The following HYDIN variants were observed in gnomAD, a reference collection of about 807,000 sequenced individuals.
The protein encoded by HYDIN is HYDIN axonemal central pair apparatus protein.
Under a neutral mutation model 403.9 loss-of-function variants are expected in HYDIN, and 132 were observed. That is an observed-to-expected ratio of 0.33 (90% CI 0.28 to 0.38). The LOEUF is 0.38. Among genes scored for constraint, HYDIN ranks in the 10% least tolerant of loss-of-function variants. The probability of loss-of-function intolerance (pLI) is 1.00; values close to 1 mark genes in which losing one functional copy is unlikely to be tolerated. For synonymous variants in HYDIN, 1,202 were observed against 1,891.7 expected, an observed-to-expected ratio of 0.64 and a Z score of 9.46; for missense variants, 2,827 against 5,009.5, an observed-to-expected ratio of 0.56 and a Z score of 13.15.
intron 28 of HYDIN, among the ~76,000 whole-genome samples, chr16:70,981,901 G>A (rs2079056119): frequency 6.6e-6 from 1 of 151,998 alleles, no homozygotes; most frequent in Non-Finnish European, 1.5e-5. Context: ...GGCTGAGGTG[G>A]GTGGATCACG....
chr16:70,942,033 T>C (rs2077693961), intron 42 of HYDIN, among the ~76,000 whole-genome samples: 1 of 107,728 alleles, frequency 9.3e-6, no homozygotes, highest in African/African-American at 3.0e-5. Flanking sequence ...TTTTTTTTTT[T>C]TGAGACAGAG....
At chr16:71,183,910 T>C (rs1431448514) in intron 3 of HYDIN, among the ~76,000 whole-genome samples, 1 of 152,138 alleles carries the variant, frequency 6.6e-6, no homozygotes, top group Non-Finnish European at 1.5e-5. Context: ...ACACTAGTAG[T>C]ACACATGAAA....
chr16:70,819,538 AACG>A (rs1330695824), intron 83 of HYDIN, among the ~76,000 whole-genome samples: 6 of 144,578 alleles, frequency 4.2e-5, no homozygotes, highest in Admixed American at 1.4e-4. Flanking sequence ...TCACACTTGT[AACG>A]ACACTATACT....
intron 1 of HYDIN, among the ~76,000 whole-genome samples, chr16:71,196,091 A>G (rs2087686740): frequency 6.6e-6 from 1 of 152,246 alleles, no homozygotes; most frequent in African/African-American, 2.4e-5. Flanking sequence ...AAGAATCTAC[A>G]AGTATTATAG....
intron 21 of HYDIN, among the ~76,000 whole-genome samples, chr16:71,024,936 T>C (rs1318565840): frequency 6.6e-6 from 1 of 152,224 alleles, no homozygotes; most frequent in Non-Finnish European, 1.5e-5. Context: ...CTGCATACGG[T>C]TGTTGTGAGG....
At chr16:71,217,891 T>C (rs954652785) in intron 1 of HYDIN, among the ~76,000 whole-genome samples, 1 of 152,098 alleles carries the variant, frequency 6.6e-6, no homozygotes, top group Non-Finnish European at 1.5e-5. Context: ...AAGCCACATA[T>C]TAACTGGTGA....
chr16:71,170,540 C>A (rs2086421575), intron 5 of HYDIN, among the ~76,000 whole-genome samples: 1 of 152,196 alleles, frequency 6.6e-6, no homozygotes, highest in South Asian at 2.1e-4. Context: ...ATGCAATCAG[C>A]AAACCTTGTC....
chr16:71,039,842 C>A (rs1026450045), intron 18 of HYDIN, among the ~76,000 whole-genome samples: 1 of 152,216 alleles, frequency 6.6e-6, no homozygotes, highest in Non-Finnish European at 1.5e-5. Context: ...AGTGCAGATA[C>A]AAAAGGCTGT....
chr16:70,842,996 C>A (rs2037933438), intron 75 of HYDIN, among the ~76,000 whole-genome samples: 1 of 151,606 alleles, frequency 6.6e-6, no homozygotes, highest in South Asian at 2.1e-4. Context: ...GAGTTGATAA[C>A]AACTTAATTT....
chr16:70,897,893 T>A (rs1437783331), intron 53 of HYDIN, among the ~76,000 whole-genome samples: 1 of 151,674 alleles, frequency 6.6e-6, no homozygotes, highest in African/African-American at 2.4e-5. Context: ...ATGTGGCCGG[T>A]TGCAGTGGCT....
intron 43 of HYDIN, among the ~76,000 whole-genome samples, chr16:70,940,687 G>A (rs1484171137): frequency 6.6e-6 from 1 of 152,202 alleles, no homozygotes; most frequent in Non-Finnish European, 1.5e-5. Context: ...AGGGATGCCT[G>A]GTCACTGCTC....
At chr16:70,895,894 A>G (rs183935511) in intron 54 of HYDIN, 87 bp downstream of exon 54, 1 of 1,468,308 alleles carries the variant, frequency 6.8e-7, no homozygotes, top group Non-Finnish European at 9.0e-7. Context: ...TGCAATACTA[A>G]CAACACACTA....
intron 13 of HYDIN, among the ~76,000 whole-genome samples, chr16:71,069,808 G>A (rs1225224388): frequency 2.0e-5 from 3 of 152,202 alleles, no homozygotes; most frequent in Non-Finnish European, 2.9e-5. Flanking sequence ...AGGCCCTTCC[G>A]GGGAGGCAGC....
At chr16:70,919,178 GAGGAAAGGCA>G (rs1481966180) in intron 46 of HYDIN, among the ~76,000 whole-genome samples, 1 of 152,134 alleles carries the variant, frequency 6.6e-6, no homozygotes, top group Non-Finnish European at 1.5e-5. Flanking sequence ...GAATGTCTAT[GAGGAAAGGCA>G]AGAATGATTT....
At chr16:71,063,900 T>C (rs1227760009) in intron 16 of HYDIN, among the ~76,000 whole-genome samples, 1 of 150,134 alleles carries the variant, frequency 6.7e-6, no homozygotes, top group Non-Finnish European at 1.5e-5. Context: ...TCTGGCTGTG[T>C]TCTGACCAGC....
chr16:71,205,066 T>C (rs887488358), intron 1 of HYDIN, among the ~76,000 whole-genome samples: 1 of 152,218 alleles, frequency 6.6e-6, no homozygotes, highest in Non-Finnish European at 1.5e-5. Context: ...CCTTAGGGCA[T>C]TTGCTGATCC....
At chr16:71,086,154 AT>A (rs1597741824) in intron 12 of HYDIN, among the ~76,000 whole-genome samples, 1 of 151,538 alleles carries the variant, frequency 6.6e-6, no homozygotes, top group Admixed American at 6.6e-5. Flanking sequence ...CTTTTACTGT[AT>A]TTTTAAGTTT....
At chr16:70,906,746 C>A (rs2076547748) in intron 50 of HYDIN, among the ~76,000 whole-genome samples, 1 of 151,994 alleles carries the variant, frequency 6.6e-6, no homozygotes. Flanking sequence ...TTGCTAAGGC[C>A]CCTAGTGACC....
chr16:70,850,786 A>G (rs2038587087), intron 73 of HYDIN, 131 bp from the exon 74 acceptor site: 2 of 755,418 alleles, frequency 2.6e-6, no homozygotes, highest in African/African-American at 3.6e-5. Flanking sequence ...ACATTTTAAG[A>G]TTTGTGGCTA....
Sources: gnomAD v4.1 joint callset for allele counts (sites outside exome capture counted in the v4.1 genomes callset) on GRCh38, gnomAD v4.1.1 for gene constraint, MANE v1.5 for transcripts, NCBI Gene and HGNC (gene_info 2026-07-23, HGNC 2026-07-21) for gene names.